ATP10B: variants seen among roughly 807,000 people sequenced by gnomAD.
ATP10B encodes the protein ATPase phospholipid transporting 10B (putative).
A neutral mutation model predicts 141.2 loss-of-function variants in ATP10B; 122 were observed. The observed-to-expected ratio is 0.86, with a 90% CI of 0.75 to 1.00. The LOEUF is 1.00. ATP10B is among the 50% of genes least tolerant of loss of function. ATP10B has a pLI of 0.00. For missense variants in ATP10B, 1,876 were observed against 1,825.3 expected (o/e 1.03, Z -0.51); for synonymous variants, 685 against 692.0 (o/e 0.99, Z 0.16).
At chr5:160,621,858 C>T (rs1344792618) in intron 14 of ATP10B, among the ~76,000 whole-genome samples, 2 of 152,178 alleles carry the variant, frequency 1.3e-5, no homozygotes, top group East Asian at 3.8e-4. Flanking sequence ...AAGAACATTA[C>T]ACACAGTATT....
At chr5:160,569,721 G>A (rs762730735) in intron 24 of ATP10B, 38 bp from the exon 25 acceptor site, 18 of 1,461,880 alleles carry the variant, frequency 1.2e-5, no homozygotes, top group Non-Finnish European at 1.5e-5. Context: ...TGAAGGTATA[G>A]CTGAGATTAG....
intron 2 of ATP10B, among the ~76,000 whole-genome samples, chr5:160,724,251 CTTTTTTTTTTTTTT>C (rs35786358): frequency 9.3e-6 from 1 of 107,072 alleles, no homozygotes; most frequent in Non-Finnish European, 1.8e-5. Context: ...GCTATAATTC[CTTTTTTTTTTTTTT>C]TTTTTTTTTA....
At chr5:160,596,119 T>C (rs888660710) in intron 22 of ATP10B, among the ~76,000 whole-genome samples, 1 of 151,922 alleles carries the variant, frequency 6.6e-6, no homozygotes, top group East Asian at 1.9e-4. Flanking sequence ...ATATCCTTGA[T>C]GAACATTGAT....
intron 1 of ATP10B, among the ~76,000 whole-genome samples, chr5:160,828,446 A>C (rs2127973009): frequency 6.6e-6 from 1 of 152,240 alleles, no homozygotes; most frequent in South Asian, 2.1e-4. Flanking sequence ...GCCAAAAGAC[A>C]CATAAAAAAA....
At chr5:160,801,070 T>C (rs4921341) in intron 1 of ATP10B, among the ~76,000 whole-genome samples, 6,608 of 152,202 alleles carry the variant, frequency 0.043, 315 homozygotes, top group East Asian at 0.24. Context: ...TCACATACAC[T>C]GATGCAACTT....
chr5:160,867,889 T>A, the ATP10B span, among the ~76,000 whole-genome samples: 1 of 152,180 alleles, frequency 6.6e-6, no homozygotes, highest in Non-Finnish European at 1.5e-5. Flanking sequence ...ATTCATTTGA[T>A]GCAAATATTC....
chr5:160,781,663 T>C lies in ATP10B; in HGVS notation c.-331+3896A>G, dbSNP rs558047807. The stretch of plus-strand genomic sequence containing the variant: ...TTCCAGTGTGTTTTGGAGCAACTCA[T>C]ACTGGCACAACATAACAGAACCCAT... On this transcript the variant is annotated intron_variant, in intron 2 of 25. Coordinates refer to ENST00000327245, the MANE Select transcript of ATP10B (RefSeq NM_025153.3). 3.3e-5 allele frequency among the ~76,000 whole-genome samples: 5 copies of C among 152,316 alleles called. No individual in the cohort carries two copies. In the East Asian group the frequency reaches 9.6e-4, roughly 29 times the overall value.
intron 1 of ATP10B, among the ~76,000 whole-genome samples, chr5:160,816,852 G>A (rs1044388984): frequency 5.9e-5 from 9 of 152,256 alleles, no homozygotes; most frequent in South Asian, 2.1e-4. Context: ...TTCAACATAT[G>A]CAAATCAATA....
chr5:160,917,056 C>G, the ATP10B span, among the ~76,000 whole-genome samples: 1 of 152,084 alleles, frequency 6.6e-6, no homozygotes, highest in East Asian at 1.9e-4. Flanking sequence ...AAAGTCTCAG[C>G]ATTTTTCCCC....
intron 24 of ATP10B, among the ~76,000 whole-genome samples, chr5:160,575,644 A>G (rs1239962530): frequency 2.0e-5 from 3 of 152,314 alleles, no homozygotes; most frequent in South Asian, 2.1e-4. Context: ...CATTTTTCAT[A>G]TAACAACAAC....
At chr5:160,926,135 T>C in the ATP10B span, among the ~76,000 whole-genome samples, 22 of 152,284 alleles carry the variant, frequency 1.4e-4, no homozygotes, top group African/African-American at 5.1e-4. Context: ...CAAAAACAGA[T>C]AGTAGGCATG....
At chr5:160,828,445 C>T (rs1207420799) in intron 1 of ATP10B, among the ~76,000 whole-genome samples, 1 of 152,020 alleles carries the variant, frequency 6.6e-6, no homozygotes, top group African/African-American at 2.4e-5. Context: ...AGCCAAAAGA[C>T]ACATAAAAAA....
chr5:160,928,149 G>T, the ATP10B span, among the ~76,000 whole-genome samples: 2 of 152,156 alleles, frequency 1.3e-5, no homozygotes, highest in African/African-American at 4.8e-5. Flanking sequence ...TCGGTGTCCA[G>T]CTCTCCTTTC....
the ATP10B span, among the ~76,000 whole-genome samples, chr5:160,921,808 C>T: frequency 6.6e-6 from 1 of 152,332 alleles, no homozygotes; most frequent in African/African-American, 2.4e-5. Flanking sequence ...GCCCAAATGA[C>T]CTTTACCTTC....
At chr5:160,891,343 C>T in the ATP10B span, among the ~76,000 whole-genome samples, 1 of 152,152 alleles carries the variant, frequency 6.6e-6, no homozygotes, top group African/African-American at 2.4e-5. Context: ...TGTCCTTCAC[C>T]CCCAGTGATT....
At position 160,829,374 on chromosome 5, in the gene ATP10B, T is replaced by G. The variant is rs147916995; in HGVS notation, c.-576+22567A>C. On this transcript the variant is annotated intron_variant, in intron 1 of 25. Coordinates refer to ENST00000327245, the MANE Select transcript of ATP10B (RefSeq NM_025153.3). ...GTTACTGCACGCTTATAGTATGGCT[T>G]GAAATTGGGTAGTTTGATTCCTCTG... Among the ~76,000 whole-genome samples the G allele has an allele frequency of 4.0e-3, 602 of 152,300 alleles. 4 individuals are homozygous for G. Among genetic ancestry groups the G allele is most frequent in the African/African-American group, 0.014 (568 of 41,576 alleles).
intron 1 of ATP10B, among the ~76,000 whole-genome samples, chr5:160,824,782 G>C (rs1581606309): frequency 6.6e-6 from 1 of 152,092 alleles, no homozygotes; most frequent in South Asian, 2.1e-4. Context: ...TTCATTGACT[G>C]AAACATTGTT....
intron 24 of ATP10B, among the ~76,000 whole-genome samples, chr5:160,589,336 A>T (rs1756121469): frequency 6.6e-6 from 1 of 152,142 alleles, no homozygotes; most frequent in Non-Finnish European, 1.5e-5. Context: ...TTTATCAATT[A>T]TCTATTTTTG....
At chr5:160,775,864 T>A (rs1049703572) in intron 2 of ATP10B, among the ~76,000 whole-genome samples, 3 of 152,018 alleles carry the variant, frequency 2.0e-5, no homozygotes, top group Admixed American at 6.5e-5. Flanking sequence ...GTATTTTTAG[T>A]AGAGACGGGG....
Sources: allele counts gnomAD v4.1 joint callset (sites outside exome capture counted in the v4.1 genomes callset), GRCh38; gene constraint gnomAD v4.1.1; transcripts MANE v1.5; gene names NCBI Gene and HGNC (gene_info 2026-07-23, HGNC 2026-07-21).